CEP83: variants seen among roughly 807,000 people sequenced by gnomAD.
The protein encoded by CEP83 is centrosomal protein of 83 kDa.
A neutral mutation model predicts 101.9 loss-of-function variants in CEP83; 70 were observed. The ratio of observed to expected loss-of-function variants is 0.69; its 90% confidence interval spans 0.57 to 0.84. The LOEUF is 0.84. CEP83 is among the 40% of genes least tolerant of loss of function. The pLI is 0.00. For synonymous variants in CEP83, 264 were observed against 267.9 expected, an observed-to-expected ratio of 0.99 and a Z score of 0.14; for missense variants, 715 against 787.2, an observed-to-expected ratio of 0.91 and a Z score of 1.10.
intron 2 of CEP83, chr12:94,424,011 C>G: frequency 1.9e-6 from 3 of 1,613,156 alleles, no homozygotes. Flanking sequence ...GGTGTCAGAA[C>G]TGAACCTGAA....
At chr12:94,338,628 C>G (rs2059549909) in intron 11 of CEP83, among the ~76,000 whole-genome samples, 1 of 151,924 alleles carries the variant, frequency 6.6e-6, no homozygotes, top group African/African-American at 2.4e-5. Flanking sequence ...AATAGGGATT[C>G]CAGAGGCTAC....
downstream of CEP83, chr12:94,305,101 T>A (rs1182101366): frequency 1.4e-5 from 11 of 794,428 alleles, no homozygotes; most frequent in Admixed American, 2.6e-4. Context: ...ATTTTACCAC[T>A]CACAGCATCA....
chr12:94,447,866 T>C (rs1263054870), intron 1 of CEP83, among the ~76,000 whole-genome samples: 1 of 151,842 alleles, frequency 6.6e-6, no homozygotes, highest in African/African-American at 2.4e-5. Context: ...CACTAAAGAA[T>C]ATTTAACACA....
At chr12:94,364,969 C>G (rs1222636640) in intron 11 of CEP83, among the ~76,000 whole-genome samples, 1 of 152,118 alleles carries the variant, frequency 6.6e-6, no homozygotes, top group African/African-American at 2.4e-5. Flanking sequence ...AGAGTACTAA[C>G]TCTGACTTAA....
intron 1 of CEP83, among the ~76,000 whole-genome samples, chr12:94,438,814 T>C (rs2066187578): frequency 2.0e-5 from 3 of 152,188 alleles, no homozygotes; most frequent in South Asian, 2.1e-4. Context: ...ATCAAAATTA[T>C]ATCAAATATT....
intron 6 of CEP83, among the ~76,000 whole-genome samples, chr12:94,380,667 G>A (rs1406946909): frequency 6.6e-6 from 1 of 152,152 alleles, no homozygotes; most frequent in East Asian, 1.9e-4. Flanking sequence ...TCTAAGGTCA[G>A]GAGTCAATGT....
chr12:94,435,925 C>T (rs773027461), intron 1 of CEP83, among the ~76,000 whole-genome samples: 18 of 152,150 alleles, frequency 1.2e-4, no homozygotes, highest in Non-Finnish European at 2.4e-4. Flanking sequence ...CAGACATTCG[C>T]CAGCACCAGC....
At chr12:94,355,999 A>AT (rs1189389754) in intron 11 of CEP83, among the ~76,000 whole-genome samples, 4 of 152,000 alleles carry the variant, frequency 2.6e-5, no homozygotes, top group Non-Finnish European at 5.9e-5. Context: ...TCACACCTCT[A>AT]TATTTCTGCG....
At chr12:94,341,188 TATG>T (rs1565943187) in intron 11 of CEP83, among the ~76,000 whole-genome samples, 2 of 152,022 alleles carry the variant, frequency 1.3e-5, no homozygotes, top group African/African-American at 4.8e-5. Flanking sequence ...CTCTTGGCAC[TATG>T]ATAAGCTAGT....
At chr12:94,337,364 G>T (rs1003932693) in intron 11 of CEP83, among the ~76,000 whole-genome samples, 5 of 152,158 alleles carry the variant, frequency 3.3e-5, no homozygotes, top group African/African-American at 1.2e-4. Context: ...AGGTCATTTT[G>T]TTGAAGCAGT....
At chr12:94,383,536 TCAAA>T (rs1198438766) in intron 6 of CEP83, among the ~76,000 whole-genome samples, 1 of 152,048 alleles carries the variant, frequency 6.6e-6, no homozygotes, top group Non-Finnish European at 1.5e-5. Context: ...TCATCCAAGT[TCAAA>T]CACTGTAATC....
At chr12:94,389,803 C>A (rs2062399971) in intron 6 of CEP83, among the ~76,000 whole-genome samples, 1 of 152,242 alleles carries the variant, frequency 6.6e-6, no homozygotes, top group African/African-American at 2.4e-5. Context: ...AACCAGCAAA[C>A]AAGGAGATTC....
intron 6 of CEP83, among the ~76,000 whole-genome samples, chr12:94,391,197 G>A (rs754327416): frequency 3.9e-5 from 6 of 152,134 alleles, no homozygotes; most frequent in African/African-American, 7.2e-5. Context: ...AGGTTGAAAT[G>A]AAGGAAAAAG....
intron 6 of CEP83, among the ~76,000 whole-genome samples, chr12:94,392,922 C>A (rs2062645965): frequency 6.6e-6 from 1 of 152,090 alleles, no homozygotes; most frequent in Admixed American, 6.5e-5. Context: ...CAAGACTAAA[C>A]CAGGAAGAAG....
intron 2 of CEP83, among the ~76,000 whole-genome samples, chr12:94,431,164 G>C (rs550648755): frequency 2.6e-5 from 4 of 152,108 alleles, no homozygotes; most frequent in African/African-American, 9.7e-5. Flanking sequence ...ATCTAATTTT[G>C]ACAAAGGCAC....
intron 9 of CEP83, chr12:94,368,947 G>A (rs969354200): frequency 3.9e-5 from 6 of 152,162 alleles, no homozygotes; most frequent in African/African-American, 1.4e-4. Context: ...TTGAGCCCAG[G>A]AGTTCAAGGC....
chr12:94,456,885 G>C (rs1314676508), intron 1 of CEP83, among the ~76,000 whole-genome samples: 1 of 152,202 alleles, frequency 6.6e-6, no homozygotes, highest in Non-Finnish European at 1.5e-5. Flanking sequence ...GAGATCTGAA[G>C]TCCTGCCCTT....
chr12:94,265,900 C>T, the CEP83 span, among the ~76,000 whole-genome samples: 3 of 152,114 alleles, frequency 2.0e-5, no homozygotes, highest in African/African-American at 7.2e-5. Flanking sequence ...GTTTGGGGCA[C>T]ATTTGGGAAT....
intron 4 of CEP83, among the ~76,000 whole-genome samples, chr12:94,408,903 A>G (rs1400319302): frequency 6.6e-6 from 1 of 152,086 alleles, no homozygotes; most frequent in Non-Finnish European, 1.5e-5. Context: ...GCACTGTCTC[A>G]TTTCATCCTT....
Sources: gnomAD v4.1 joint callset for allele counts (sites outside exome capture counted in the v4.1 genomes callset) on GRCh38, gnomAD v4.1.1 for gene constraint, MANE v1.5 for transcripts, NCBI Gene and HGNC (gene_info 2026-07-23, HGNC 2026-07-21) for gene names.